The following B3GALT1 variants were observed in gnomAD, a reference collection of about 807,000 sequenced individuals.
B3GALT1 encodes beta-1,3-galactosyltransferase 1.
B3GALT1 carries 10 observed loss-of-function variants against 23.2 expected under a neutral mutation model. The ratio of observed to expected loss-of-function variants is 0.43; its 90% CI spans 0.27 to 0.73. B3GALT1 has a LOEUF of 0.73. Ranked by LOEUF, B3GALT1 falls within the 30% of genes least tolerant of loss-of-function variation. The pLI, the probability that B3GALT1 is intolerant of heterozygous loss-of-function variation, is 0.21. For missense variants in B3GALT1, 299 were observed against 405.4 expected (o/e 0.74, Z 2.25); for synonymous variants, 156 against 141.5 (o/e 1.10, Z -0.73).
At chr2:167,753,293 A>G (rs558088099) in intron 3 of B3GALT1, among the ~76,000 whole-genome samples, 1 of 152,330 alleles carries the variant, frequency 6.6e-6, no homozygotes, top group South Asian at 2.1e-4. Context: ...CTTAGCGGAA[A>G]CTGTGAGCAA....
intron 1 of B3GALT1, among the ~76,000 whole-genome samples, chr2:167,396,046 C>T (rs963368550): frequency 6.6e-6 from 1 of 152,134 alleles, no homozygotes; most frequent in African/African-American, 2.4e-5. Flanking sequence ...AGAGACTCTT[C>T]TGAAGGTTAA....
intron 1 of B3GALT1, among the ~76,000 whole-genome samples, chr2:167,324,351 T>C (rs1398871333): frequency 3.9e-5 from 6 of 152,020 alleles, no homozygotes; most frequent in Non-Finnish European, 8.8e-5. Flanking sequence ...TCTCTACTTG[T>C]TTTGATTGTC....
intron 3 of B3GALT1, among the ~76,000 whole-genome samples, chr2:167,680,448 A>G (rs17568204): frequency 0.18 from 26,915 of 152,178 alleles, 2,724 homozygotes; most frequent in Middle Eastern, 0.26. Context: ...ACTCACAAGT[A>G]TACATCAAAA....
intron 2 of B3GALT1, among the ~76,000 whole-genome samples, chr2:167,630,514 A>AT (rs1685421004): frequency 6.6e-6 from 1 of 151,662 alleles, no homozygotes; most frequent in Non-Finnish European, 1.5e-5. Flanking sequence ...ATTATTGTTA[A>AT]TTTTTTAGAT....
At chr2:167,864,073 C>T (rs929865917) in intron 4 of B3GALT1, among the ~76,000 whole-genome samples, 2 of 150,884 alleles carry the variant, frequency 1.3e-5, no homozygotes, top group African/African-American at 4.9e-5. Flanking sequence ...TGTTTCTAAA[C>T]TTCTTTAACA....
chr2:167,340,394 T>G (rs900288849), intron 1 of B3GALT1, among the ~76,000 whole-genome samples: 1 of 150,150 alleles, frequency 6.7e-6, no homozygotes, highest in African/African-American at 2.4e-5. Flanking sequence ...TTGAGGGACC[T>G]CTAAAGAACA....
At chr2:167,588,000 T>C (rs928678996) in intron 2 of B3GALT1, among the ~76,000 whole-genome samples, 3 of 152,164 alleles carry the variant, frequency 2.0e-5, no homozygotes, top group Non-Finnish European at 4.4e-5. Context: ...AAACTGAGTG[T>C]ACTGTTAAAT....
intron 4 of B3GALT1, among the ~76,000 whole-genome samples, chr2:167,859,499 CAA>C (rs1690058715): frequency 6.6e-6 from 1 of 152,136 alleles, no homozygotes; most frequent in African/African-American, 2.4e-5. Flanking sequence ...CCCACACACA[CAA>C]AGACATCCTC....
chr2:167,380,717 G>A (rs915429877), intron 1 of B3GALT1, among the ~76,000 whole-genome samples: 2 of 152,152 alleles, frequency 1.3e-5, no homozygotes, highest in Non-Finnish European at 2.9e-5. Context: ...GTTCCAGGGC[G>A]TGGGAGAAAC....
intron 2 of B3GALT1, among the ~76,000 whole-genome samples, chr2:167,599,545 T>C (rs909562529): frequency 9.2e-5 from 14 of 152,212 alleles, no homozygotes; most frequent in African/African-American, 3.1e-4. Context: ...TCATGATGCA[T>C]GTGTTGGAGA....
At chr2:167,692,701 A>G (rs1686733071) in intron 3 of B3GALT1, among the ~76,000 whole-genome samples, 1 of 152,130 alleles carries the variant, frequency 6.6e-6, no homozygotes, top group Admixed American at 6.6e-5. Flanking sequence ...AATAATAACA[A>G]TAATAGAACT....
chr2:167,561,896 A>G (rs1203229233), intron 2 of B3GALT1, among the ~76,000 whole-genome samples: 1 of 152,224 alleles, frequency 6.6e-6, no homozygotes, highest in East Asian at 1.9e-4. Flanking sequence ...AACTGGTACC[A>G]TTCCTTCTGA....
At chr2:167,814,762 A>C (rs1422300840) in intron 3 of B3GALT1, 3 of 152,258 alleles carry the variant, frequency 2.0e-5, no homozygotes, top group Non-Finnish European at 4.4e-5. Context: ...CATCTCAAAA[A>C]CAACAACAAA....
At chr2:167,582,152 T>G (rs1156485411) in intron 2 of B3GALT1, among the ~76,000 whole-genome samples, 1 of 152,200 alleles carries the variant, frequency 6.6e-6, no homozygotes, top group African/African-American at 2.4e-5. Context: ...CACCAGCTGT[T>G]AATGTCTTAG....
chr2:167,661,734 G>C (rs571323028), intron 3 of B3GALT1, among the ~76,000 whole-genome samples: 1 of 152,142 alleles, frequency 6.6e-6, no homozygotes, highest in African/African-American at 2.4e-5. Context: ...GAGAGAATAA[G>C]GTGCTTTGAG....
chr2:167,629,737 AT>A (rs1393528673), intron 2 of B3GALT1, among the ~76,000 whole-genome samples: 2 of 151,824 alleles, frequency 1.3e-5, no homozygotes, highest in East Asian at 1.9e-4. Context: ...AGAAATAAAA[AT>A]TTTTTGTGCA....
At chr2:167,736,415 T>C (rs1197044321) in intron 3 of B3GALT1, among the ~76,000 whole-genome samples, 1 of 152,200 alleles carries the variant, frequency 6.6e-6, no homozygotes, top group Non-Finnish European at 1.5e-5. Flanking sequence ...GTAGGACTCC[T>C]TCAGAATGCC....
At chr2:167,714,768 T>C (rs2105521720) in intron 3 of B3GALT1, 1 of 1,613,852 alleles carries the variant, frequency 6.2e-7, no homozygotes, top group East Asian at 2.2e-5. Flanking sequence ...TTGGCTAGCT[T>C]TCTATAGGTC....
chr2:167,723,733 A>G (rs909006342), intron 3 of B3GALT1, among the ~76,000 whole-genome samples: 3 of 151,826 alleles, frequency 2.0e-5, no homozygotes, highest in Non-Finnish European at 2.9e-5. Flanking sequence ...GTTTCACCAT[A>G]CTGGTCAGGC....
Sources: gnomAD v4.1 joint callset for allele counts (sites outside exome capture counted in the v4.1 genomes callset) on GRCh38, gnomAD v4.1.1 for gene constraint, MANE v1.5 for transcripts, NCBI Gene and HGNC (gene_info 2026-07-23, HGNC 2026-07-21) for gene names.